The following CENPE variants were observed in gnomAD, a reference collection of about 807,000 sequenced individuals.
CENPE encodes the protein centromere-associated protein E.
CENPE carries 145 observed loss-of-function variants against 336.1 expected under a neutral mutation model. That is an observed-to-expected ratio of 0.43 (90% CI 0.38 to 0.50). The LOEUF is 0.50. CENPE is among the 20% of genes least tolerant of loss of function. The pLI is 0.00. For missense variants in CENPE, 2,719 were observed against 3,023.3 expected, an observed-to-expected ratio of 0.90 and a Z score of 2.36; for synonymous variants, 1,013 against 984.8, an observed-to-expected ratio of 1.03 and a Z score of -0.54.
intron 8 of CENPE, among the ~76,000 whole-genome samples, chr4:103,191,124 A>G (rs1757278947): frequency 6.6e-6 from 1 of 152,262 alleles, no homozygotes; most frequent in African/African-American, 2.4e-5. Flanking sequence ...TTAGAATGGC[A>G]ATCGTTAAAA....
At chr4:103,135,191 T>G (rs1277454147) in intron 40 of CENPE, among the ~76,000 whole-genome samples, 1 of 152,232 alleles carries the variant, frequency 6.6e-6, no homozygotes, top group South Asian at 2.1e-4. Context: ...GCTTTCTGGA[T>G]GATCTTACAA....
At chr4:103,132,056 T>C (rs1392001293) in intron 42 of CENPE, among the ~76,000 whole-genome samples, 4 of 152,168 alleles carry the variant, frequency 2.6e-5, no homozygotes, top group African/African-American at 7.2e-5. Flanking sequence ...TTGTAACTCA[T>C]AGAATGTACT....
intron 8 of CENPE, among the ~76,000 whole-genome samples, chr4:103,193,585 A>C (rs17217473): frequency 0.34 from 51,723 of 151,856 alleles, 9,205 homozygotes; most frequent in Middle Eastern, 0.47. Context: ...TTTAGTGTGG[A>C]AAGAAGGAAG....
intron 46 of CENPE, among the ~76,000 whole-genome samples, chr4:103,111,954 G>A (rs1330434863): frequency 1.3e-5 from 2 of 151,280 alleles, no homozygotes; most frequent in East Asian, 3.9e-4. Flanking sequence ...CACAACTTTC[G>A]GTTTGATCTT....
At chr4:103,192,147 G>A (rs980223799) in intron 8 of CENPE, among the ~76,000 whole-genome samples, 2 of 152,156 alleles carry the variant, frequency 1.3e-5, no homozygotes, top group Non-Finnish European at 2.9e-5. Context: ...AAAGCTTTAC[G>A]TTATTTCTCT....
intron 15 of CENPE, 117 bp downstream of exon 15, chr4:103,175,843 C>G (rs1342758067): frequency 9.6e-5 from 58 of 607,242 alleles, no homozygotes; most frequent in Non-Finnish European, 1.0e-4. Context: ...AAGAGAAAAG[C>G]CTTCATTAGA....
intron 41 of CENPE, 29 bp downstream of exon 41, chr4:103,133,666 T>A: frequency 7.0e-7 from 1 of 1,433,934 alleles, no homozygotes; most frequent in South Asian, 1.2e-5. Context: ...GCTTAAAATC[T>A]AACTAAATCC....
intron 8 of CENPE, among the ~76,000 whole-genome samples, chr4:103,190,664 A>G (rs560887746): frequency 1.3e-5 from 2 of 152,348 alleles, no homozygotes; most frequent in South Asian, 4.1e-4. Flanking sequence ...AAAGACTTAA[A>G]TGTGAGACCT....
Position 103,174,857 on chromosome 4 carries a change from T to G in CENPE, c.1526A>C (p.Asn509Thr), listed in dbSNP as rs745845891. 2 of 1,527,018 alleles carry G rather than the reference T, an allele frequency of 1.3e-6. No homozygotes were observed. The highest frequency in any genetic ancestry group is 2.8e-5 in the African/African-American group (2 of 70,728). The allele number at this position is 1,527,018 out of a possible 1,614,324, so 94.6% of individuals were successfully genotyped here. The part of the protein sequence containing the change: ...ELNSLRADYD[N>T]LVLDYEQLRT... The stretch of plus-strand genomic sequence containing the variant: ...TAGTTGTTCATAGTCTAATACCAGA[T>G]TATCATAGTCAGCACGAAGTGAGTT... The change falls in exon 16 of 49, where the codon AAT becomes ACT. Residue 509 changes from asparagine to threonine, a missense_variant. Asn to Thr is a moderately conservative substitution (Grantham distance 65, BLOSUM62 0). Transcript: ENST00000265148.
intron 29 of CENPE, among the ~76,000 whole-genome samples, chr4:103,146,585 T>C (rs954369401): frequency 3.3e-5 from 5 of 152,122 alleles, no homozygotes; most frequent in Non-Finnish European, 7.4e-5. Flanking sequence ...CTGAAAGCCA[T>C]GAGCTGCGGA....
Position 103,151,322 on chromosome 4 carries a change from T to G in CENPE, c.3293A>C (p.Gln1098Pro), listed in dbSNP as rs780702189. ...RLLGDELKKQ[Q>P]EIVAQEKNHA... is the part of the protein sequence containing the mutation. ...GTTCTTTTCTTGTGCAACTATCTCT[T>G]GTTGCTTTTTAAGTTCATCCCCAAG... The change falls in exon 26 of 49, where the codon CAA becomes CCA. Residue 1098 changes from glutamine (Q) to proline (P), a missense_variant. By Grantham distance (76) the Gln-to-Pro change is moderately conservative. Transcript: ENST00000265148. 7 of 1,604,662 alleles carry G rather than the reference T, an allele frequency of 4.4e-6. No homozygotes were observed. Among genetic ancestry groups the G allele is most frequent in the Non-Finnish European group, 5.9e-6 (7 of 1,177,908 alleles).
chr4:103,147,805 T>G (rs1753184488), intron 28 of CENPE, among the ~76,000 whole-genome samples, 159 bp from the exon 29 acceptor site: 1 of 152,114 alleles, frequency 6.6e-6, no homozygotes, highest in African/African-American at 2.4e-5. Context: ...GAGATTCTCC[T>G]GTCTCAGTCT....
intron 24 of CENPE, among the ~76,000 whole-genome samples, chr4:103,157,606 A>T (rs1285893662): frequency 6.6e-6 from 1 of 152,028 alleles, no homozygotes; most frequent in African/African-American, 2.4e-5. Context: ...CTGTTGCTCA[A>T]TGGGTATAGT....
At chr4:103,139,748 C>G (rs1752376477) in intron 38 of CENPE, 41 bp downstream of exon 38, 1 of 1,498,476 alleles carries the variant, frequency 6.7e-7, no homozygotes, top group Middle Eastern at 1.8e-4. Context: ...AAGCTTAATT[C>G]TTATTAATAG....
intron 5 of CENPE, 135 bp from the exon 6 acceptor site, chr4:103,194,819 T>C (rs928021377): frequency 3.9e-5 from 25 of 641,764 alleles, no homozygotes; most frequent in Non-Finnish European, 6.1e-5. Context: ...TCTGTAGGAA[T>C]GTAACAAATA....
At position 103,159,214 on chromosome 4, in the gene CENPE, C is replaced by T; in HGVS notation, c.2397G>A (p.Gly799=). ...SRVQGLLEEI[G]KTKDDLATTQ... ...TAGTTGCTAGGTCATCTTTTGTTTT[C>T]CCAATTTCTTCAAGTAAACCTTGAA... is the stretch of plus-strand genomic sequence containing the variant. The change falls in exon 22 of 49, where the codon GGG becomes GGA. Residue 799 remains glycine (G), a synonymous_variant. Coordinates refer to ENST00000265148, the MANE Select transcript of CENPE (RefSeq NM_001813.3). The T allele has an allele frequency of 6.2e-7, 1 of 1,612,458 alleles. No homozygotes were observed. The highest frequency in any genetic ancestry group is 8.5e-7 in the Non-Finnish European group (1 of 1,179,088).
Position 103,140,243 on chromosome 4 carries a change from AAAC to A in CENPE, c.5913+10_5913+12del. ...CACAGTTACTTCCAAAAGAAGAACA[AAAC>A]AACACATACCTTTTTCTGTAATTCA... On this transcript the variant is annotated intron_variant, in intron 37 of 48. Coordinates refer to ENST00000265148, the MANE Select transcript of CENPE (RefSeq NM_001813.3). The A allele has an allele frequency of 1.3e-6, 2 of 1,581,844 alleles. No homozygotes were observed. Among genetic ancestry groups the A allele is most frequent in the Non-Finnish European group, 8.6e-7 (1 of 1,167,958 alleles).
At chr4:103,158,554 G>C in intron 23 of CENPE, 60 bp downstream of exon 23, 1 of 1,516,142 alleles carries the variant, frequency 6.6e-7, no homozygotes, top group South Asian at 1.3e-5. Flanking sequence ...ATAAATGATG[G>C]CCTCTGCAAT....
intron 8 of CENPE, among the ~76,000 whole-genome samples, chr4:103,191,434 G>C (rs1757315487): frequency 6.6e-6 from 1 of 152,186 alleles, no homozygotes. Flanking sequence ...TTAAGAAAAT[G>C]TGGCACATAT....
Sources: gnomAD v4.1 joint callset for allele counts (sites outside exome capture counted in the v4.1 genomes callset) on GRCh38, gnomAD v4.1.1 for gene constraint, MANE v1.5 for transcripts, NCBI Gene and HGNC (gene_info 2026-07-23, HGNC 2026-07-21) for gene names.